The following CDH13 variants were observed in gnomAD, a reference collection of about 807,000 sequenced individuals.
CDH13 encodes the protein cadherin-13.
In CDH13, 24 loss-of-function variants were observed where a neutral mutation model predicts 63.8. The observed-to-expected ratio is 0.38, with a 90% confidence interval of 0.27 to 0.53. CDH13 has a LOEUF of 0.53. Ranked by LOEUF, CDH13 falls within the 20% of genes least tolerant of loss-of-function variation. CDH13 has a pLI of 0.85. For missense variants in CDH13, 1,049 were observed against 903.1 expected (o/e 1.16, Z -2.07); for synonymous variants, 503 against 355.3 (o/e 1.42, Z -4.67).
chr16:83,095,992 A>G (rs2034174225), intron 3 of CDH13, among the ~76,000 whole-genome samples: 1 of 152,200 alleles, frequency 6.6e-6, no homozygotes, highest in African/African-American at 2.4e-5. Context: ...AAGGTTGAAC[A>G]TGTCTTTAGG....
intron 5 of CDH13, among the ~76,000 whole-genome samples, chr16:83,313,073 A>G (rs1316775234): frequency 6.6e-6 from 1 of 152,236 alleles, no homozygotes; most frequent in African/African-American, 2.4e-5. Flanking sequence ...AAGGATTGGC[A>G]TCAGGGTTGC....
chr16:83,714,644 CAT>C (rs1908618644), intron 10 of CDH13, among the ~76,000 whole-genome samples: 1 of 152,194 alleles, frequency 6.6e-6, no homozygotes, highest in Non-Finnish European at 1.5e-5. Context: ...GAGACTGTAA[CAT>C]ATGACTATCA....
Position 82,716,174 on chromosome 16 carries a change from G to T in CDH13, c.45+89037G>T, listed in dbSNP as rs142816715. 1.2e-3 allele frequency among the ~76,000 whole-genome samples: 188 copies of T among 152,328 alleles called. 1 individual carries two copies. The highest frequency in any genetic ancestry group is 4.2e-3 in the African/African-American group (175 of 41,582). ...ATGGCACTCCTCAATCCCCCGAGGA[G>T]CCTGGAAAAGACTTCCCTCTTGGGT... On this transcript the variant is annotated intron_variant, in intron 1 of 13. Coordinates refer to ENST00000567109, the MANE Select transcript of CDH13 (RefSeq NM_001257.5).
At chr16:83,284,389 C>T (rs1273247711) in intron 5 of CDH13, among the ~76,000 whole-genome samples, 1 of 152,126 alleles carries the variant, frequency 6.6e-6, no homozygotes, top group Non-Finnish European at 1.5e-5. Context: ...ATACTACCAC[C>T]TGTTTCACAG....
intron 1 of CDH13, among the ~76,000 whole-genome samples, chr16:82,770,201 T>C (rs2035209511): frequency 1.3e-5 from 2 of 152,226 alleles, no homozygotes; most frequent in African/African-American, 4.8e-5. Context: ...TATTAGAGAA[T>C]AGTGTTCGAA....
In CDH13 at chr16:83,112,281, G is replaced by A. The variant is rs376167046; in HGVS notation, c.367-13104G>A. ...CAGCAGTTAACAAGAAACCAATCCC[G>A]TTGGCAGGGAACTGCACTGTGTGAA... On this transcript the variant is annotated intron_variant, in intron 3 of 13. Transcript: ENST00000567109. Among the ~76,000 whole-genome samples the A allele has an allele frequency of 2.6e-4, 39 of 152,302 alleles. No individual in the cohort carries two copies. In the East Asian group the frequency reaches 5.2e-3, roughly 20 times the overall value.
intron 3 of CDH13, among the ~76,000 whole-genome samples, chr16:83,086,936 A>G (rs1011659686): frequency 1.3e-5 from 2 of 152,220 alleles, no homozygotes; most frequent in African/African-American, 4.8e-5. Context: ...AACTACATAG[A>G]AGAGGTTTTA....
chr16:82,893,383 A>G (rs79122834), intron 2 of CDH13, among the ~76,000 whole-genome samples: 2,378 of 152,384 alleles, frequency 0.016, 70 homozygotes, highest in African/African-American at 0.055. Flanking sequence ...TTTTTACTCC[A>G]AAAAGAACTG....
chr16:82,736,579 T>A (rs1956300335), intron 1 of CDH13, among the ~76,000 whole-genome samples: 1 of 152,230 alleles, frequency 6.6e-6, no homozygotes, highest in South Asian at 2.1e-4. Flanking sequence ...AGGAACCCAC[T>A]AAATACTTGT....
At chr16:83,000,794 T>C (rs572315655) in intron 2 of CDH13, among the ~76,000 whole-genome samples, 2 of 152,036 alleles carry the variant, frequency 1.3e-5, no homozygotes, top group Non-Finnish European at 1.5e-5. Flanking sequence ...TTAGCCAAGA[T>C]GATCTCAATC....
rs184370525 is a variant in CDH13, at chr16:83,085,828, C to G, written c.367-39557C>G. On this transcript the variant is annotated intron_variant, in intron 3 of 13. Coordinates refer to ENST00000567109, the MANE Select transcript of CDH13 (RefSeq NM_001257.5). ...CAATATGCTAAGACACATTGAAGCT[C>G]TTGATGGGGAATAGTCATTATATTT... 3.0e-3 allele frequency among the ~76,000 whole-genome samples: 458 copies of G among 152,272 alleles called. 2 individuals carry two copies. The highest frequency in any genetic ancestry group is 5.0e-3 in the Non-Finnish European group (338 of 68,032).
chr16:82,930,005 A>G lies in CDH13; in HGVS notation c.157+71532A>G, dbSNP rs997070878. ...GTCATATTCCACAAGGGAAATCACT[A>G]TCATGACTTCTAATAAAATGCATTA... On this transcript the variant is annotated intron_variant, in intron 2 of 13. Coordinates refer to ENST00000567109, the MANE Select transcript of CDH13 (RefSeq NM_001257.5). 3.5e-4 allele frequency among the ~76,000 whole-genome samples: 51 copies of G among 147,010 alleles called. 1 individual carries two copies. The highest frequency in any genetic ancestry group is 2.1e-4 in the Non-Finnish European group (14 of 67,028).
At chr16:83,086,921 G>A (rs1451601114) in intron 3 of CDH13, among the ~76,000 whole-genome samples, 1 of 152,076 alleles carries the variant, frequency 6.6e-6, no homozygotes, top group Non-Finnish European at 1.5e-5. Context: ...AATTATAATG[G>A]CCAAAACTAC....
At chr16:83,545,134 A>T (rs542482408) in intron 7 of CDH13, among the ~76,000 whole-genome samples, 73 of 152,288 alleles carry the variant, frequency 4.8e-4, no homozygotes, top group African/African-American at 1.7e-3. Context: ...ACCAGGATTT[A>T]ATTAGTCCTT....
intron 1 of CDH13, among the ~76,000 whole-genome samples, chr16:82,676,568 A>G (rs1369719277): frequency 2.1e-5 from 3 of 145,364 alleles, no homozygotes; most frequent in Non-Finnish European, 4.5e-5. Flanking sequence ...ACCTTCTTCC[A>G]ATCTTTCTCT....
At chr16:83,774,101 G>A (rs952684824) in intron 11 of CDH13, among the ~76,000 whole-genome samples, 3 of 152,036 alleles carry the variant, frequency 2.0e-5, no homozygotes, top group African/African-American at 4.8e-5. Flanking sequence ...AATCATTTTC[G>A]GCTACTGAGC....
chr16:82,774,037 C>A (rs2035380370), intron 1 of CDH13, among the ~76,000 whole-genome samples: 1 of 152,082 alleles, frequency 6.6e-6, no homozygotes, highest in Admixed American at 6.5e-5. Context: ...CCTGCCTTGG[C>A]CTCCCAAAGT....
At chr16:83,696,956 C>T (rs911980923) in intron 10 of CDH13, among the ~76,000 whole-genome samples, 1 of 152,206 alleles carries the variant, frequency 6.6e-6, no homozygotes, top group South Asian at 2.1e-4. Flanking sequence ...TGGCTGGCCT[C>T]GGTGCTGAGC....
At chr16:82,898,723 A>G (rs2041353782) in intron 2 of CDH13, among the ~76,000 whole-genome samples, 1 of 152,182 alleles carries the variant, frequency 6.6e-6, no homozygotes, top group Non-Finnish European at 1.5e-5. Flanking sequence ...CTGATGGATG[A>G]AGCAGGGAAT....
Sources: allele counts gnomAD v4.1 joint callset (sites outside exome capture counted in the v4.1 genomes callset), GRCh38; gene constraint gnomAD v4.1.1; transcripts MANE v1.5; gene names NCBI Gene and HGNC (gene_info 2026-07-23, HGNC 2026-07-21).